The following CLEC4F variants were observed in gnomAD, a reference collection of about 807,000 sequenced individuals.
CLEC4F encodes C-type lectin domain family 4 member F.
CLEC4F carries 45 observed loss-of-function variants against 53.4 expected under a neutral mutation model. The observed-to-expected ratio is 0.84, with a 90% confidence interval of 0.66 to 1.08. CLEC4F has a LOEUF of 1.08. Ranked by LOEUF, CLEC4F falls within the 50% of genes least tolerant of loss-of-function variation. The pLI is 0.00. For synonymous variants in CLEC4F, 245 were observed against 257.5 expected (o/e 0.95, Z 0.46); for missense variants, 753 against 698.2 (o/e 1.08, Z -0.88).
upstream of CLEC4F, among the ~76,000 whole-genome samples, chr2:70,822,041 G>A (rs1185558230): frequency 4.6e-5 from 7 of 152,134 alleles, no homozygotes; most frequent in African/African-American, 1.2e-4. Flanking sequence ...CTACAGGCAT[G>A]AGCCACCTTG....
chr2:70,817,009 C>A lies in CLEC4F; in HGVS notation c.372G>T (p.Leu124Phe). The change falls in exon 4 of 7, where the codon TTG (leucine) becomes TTT (phenylalanine). Residue 124 changes from leucine to phenylalanine, a missense_variant. Transcript: ENST00000272367. ...AATTGACATTGTCCACTCTGCACTT[C>A]AACATCTGGATTTCTACTACCCAGG... The part of the protein sequence containing the change: ...SSAWVVEIQM[L>F]KCRVDNVNSQ... The A allele has an allele frequency of 2.5e-6, 4 of 1,614,210 alleles. No homozygotes were observed. Among genetic ancestry groups the A allele is most frequent in the Non-Finnish European group, 3.4e-6 (4 of 1,180,042 alleles).
In CLEC4F at chr2:70,816,384, C is replaced by T. The variant is rs150268223; in HGVS notation, c.997G>A (p.Val333Met). The T allele has an allele frequency of 3.0e-5, 49 of 1,613,832 alleles. No homozygotes were observed. The highest frequency in any genetic ancestry group is 2.5e-4 in the African/African-American group (19 of 75,008). ...HLERAGDEIHVLKRDLKMVTA... is the reference protein window; with the variant it reads ...HLERAGDEIHMLKRDLKMVTA... ...ACCATTTTCAAATCCCTTTTTAACA[C>T]GTGAATTTCATCACCAGCTCTTTCC... is the stretch of plus-strand genomic sequence containing the variant. The change falls in exon 4 of 7, where the codon GTG becomes ATG. Residue 333 changes from valine (V) to methionine (M), a missense_variant. Val to Met is a conservative substitution (Grantham distance 21, BLOSUM62 1). Transcript: ENST00000272367.
intron 5 of CLEC4F, among the ~76,000 whole-genome samples, chr2:70,810,259 A>G (rs1676474902): frequency 6.6e-6 from 1 of 152,150 alleles, no homozygotes; most frequent in South Asian, 2.1e-4. Flanking sequence ...AGATAATACT[A>G]ATCTTATTTA....
chr2:70,821,538 C>G (rs1677221056), upstream of CLEC4F, among the ~76,000 whole-genome samples: 1 of 152,172 alleles, frequency 6.6e-6, no homozygotes, highest in Non-Finnish European at 1.5e-5. Flanking sequence ...AGGAGGGTGT[C>G]ATGCCCTGAC....
At chr2:70,811,236 C>T (rs1308219679) in intron 5 of CLEC4F, 2 of 873,736 alleles carry the variant, frequency 2.3e-6, no homozygotes, top group Non-Finnish European at 3.7e-6. Context: ...GTCCAATTAG[C>T]TCAAGGCACA....
rs1553393571 is a variant in CLEC4F, at chr2:70,809,361, G to A, written c.1680C>T (p.Cys560=). The A allele has an allele frequency of 1.9e-6, 3 of 1,611,762 alleles. No homozygotes were observed. The highest frequency in any genetic ancestry group is 1.8e-4 in the Middle Eastern group (1 of 5,426). ...QNKAPGSKGS[C]PLRKYIIVNS... ...TCACAATAATATACTTTCTGAGTGG[G>A]CAGGATCCCTTGGAACCAGGCCTGA... Residue 560 remains cysteine (C), a synonymous_variant, in exon 7 of 7, where the codon TGC becomes TGT. Coordinates refer to ENST00000272367, the MANE Select transcript of CLEC4F (RefSeq NM_173535.3).
At chr2:70,811,003 G>A in intron 5 of CLEC4F, 2 of 598,966 alleles carry the variant, frequency 3.3e-6, no homozygotes, top group Admixed American at 1.9e-5. Context: ...ACGGCATACT[G>A]ATTTTGGTGT....
chr2:70,813,405 G>A (rs1676669497), intron 4 of CLEC4F, among the ~76,000 whole-genome samples: 1 of 152,312 alleles, frequency 6.6e-6, no homozygotes, highest in Non-Finnish European at 1.5e-5. Flanking sequence ...ACGGAAGAAG[G>A]TATGGTCTGT....
In CLEC4F at chr2:70,816,492, C is replaced by T. The variant is rs188433625; in HGVS notation, c.889G>A (p.Ala297Thr). ...AAGGCCTGGGTCTGGGAGTTTAAAG[C>T]ATTTGTGTTCTGCAAATTTTCCTTT... ...GLKENLQNTNALNSQTQAFIK... is the reference protein window; with the variant it reads ...GLKENLQNTNTLNSQTQAFIK... Residue 297 changes from alanine (A) to threonine (T), a missense_variant, in exon 4 of 7, where the codon GCT becomes ACT. Physicochemically the swap from Ala to Thr is moderately conservative, Grantham distance 58. Coordinates refer to ENST00000272367, the MANE Select transcript of CLEC4F (RefSeq NM_173535.3). 7 of 1,614,202 alleles carry T rather than the reference C, an allele frequency of 4.3e-6. No homozygotes were observed. The South Asian group carries it at 5.5e-5, about 13-fold the overall frequency.
Position 70,820,222 on chromosome 2 carries a change from A to G in CLEC4F, c.61+241T>C, listed in dbSNP as rs1386449679. ...ACAGAGCAACAAAAGTGTAGTTTGA[A>G]TGAAAGAAGAAAGGAAGGGAGGGAG... On this transcript the variant is annotated intron_variant, in intron 1 of 6. Coordinates refer to ENST00000272367, the MANE Select transcript of CLEC4F (RefSeq NM_173535.3). 2.0e-5 allele frequency among the ~76,000 whole-genome samples: 3 copies of G among 152,186 alleles called. No homozygotes were observed. The South Asian group carries it at 6.2e-4, about 32-fold the overall frequency.
At chr2:70,811,261 C>A in intron 5 of CLEC4F, 1 of 981,814 alleles carries the variant, frequency 1.0e-6, no homozygotes, top group South Asian at 1.3e-5. Context: ...TCTTAAATGT[C>A]ATACTTCCAT....
rs148080065 is a variant in CLEC4F, at chr2:70,814,757, T to G, written c.1387+1237A>C. ...GTTCTTTGTCCTTTAAGAAAAAAAATTAAGCTAATAGTTCTCAGCCCAGAT... is the reference window on the plus strand; with the variant it reads ...GTTCTTTGTCCTTTAAGAAAAAAAAGTAAGCTAATAGTTCTCAGCCCAGAT... On this transcript the variant is annotated intron_variant, in intron 4 of 6. Coordinates refer to ENST00000272367, the MANE Select transcript of CLEC4F (RefSeq NM_173535.3). 5.1e-3 allele frequency among the ~76,000 whole-genome samples: 770 copies of G among 151,304 alleles called. 10 individuals carry two copies. The highest frequency in any genetic ancestry group is 0.018 in the African/African-American group (726 of 41,090).
At position 70,809,211 on chromosome 2, in the gene CLEC4F, T is replaced by C. The variant is rs1553393451; in HGVS notation, c.*60A>G. ...TGGGTCCTTCATCCCCTAGTGGCCC[T>C]AGGATGAGGACAGGGCTGGGAGAAG... On this transcript the variant is annotated 3_prime_UTR_variant, in exon 7 of 7. Transcript: ENST00000272367. The C allele has an allele frequency of 1.9e-6, 3 of 1,590,222 alleles. No homozygotes were observed. The highest frequency in any genetic ancestry group is 2.3e-5 in the South Asian group (2 of 87,340).
intron 3 of CLEC4F, among the ~76,000 whole-genome samples, chr2:70,819,134 CA>C (rs1228981481): frequency 7.2e-5 from 11 of 152,144 alleles, no homozygotes; most frequent in African/African-American, 2.7e-4. Flanking sequence ...GTGATGGTTT[CA>C]GGGGCACACA....
chr2:70,820,021 T>C, intron 1 of CLEC4F, 130 bp from the exon 2 acceptor site: 1 of 591,474 alleles, frequency 1.7e-6, no homozygotes, highest in Non-Finnish European at 2.9e-6. Flanking sequence ...ACTCCTGCCA[T>C]GCTTATCATG....
At chr2:70,817,334 C>T (rs1676980933) in intron 3 of CLEC4F, among the ~76,000 whole-genome samples, 1 of 152,154 alleles carries the variant, frequency 6.6e-6, no homozygotes, top group Non-Finnish European at 1.5e-5. Flanking sequence ...CTGTTACACA[C>T]AAATGAAGGG....
At chr2:70,823,520 A>G (rs930960971), upstream of CLEC4F, among the ~76,000 whole-genome samples, 1 of 152,228 alleles carries the variant, frequency 6.6e-6, no homozygotes, top group Admixed American at 6.5e-5. Flanking sequence ...CCTCGAAGGC[A>G]GAACTCTACG....
At chr2:70,814,868 G>A (rs140952787) in intron 4 of CLEC4F, among the ~76,000 whole-genome samples, 2 of 150,964 alleles carry the variant, frequency 1.3e-5, no homozygotes, top group African/African-American at 4.9e-5. Flanking sequence ...AGTTCTGGAG[G>A]TGGGTCCCCA....
intron 4 of CLEC4F, among the ~76,000 whole-genome samples, chr2:70,813,644 G>GTTCTCTCTTTCTTTCACT (rs1676735519): frequency 1.4e-4 from 2 of 14,526 alleles, no homozygotes; most frequent in African/African-American, 4.6e-4. Context: ...TCTTTCTTTC[G>GTTCTCTCTTTCTTTCACT]CTCTCTCTCT....
Sources: allele counts gnomAD v4.1 joint callset (sites outside exome capture counted in the v4.1 genomes callset), GRCh38; gene constraint gnomAD v4.1.1; transcripts MANE v1.5; gene names NCBI Gene and HGNC (gene_info 2026-07-23, HGNC 2026-07-21).